The following BMPR1A variants were observed in gnomAD, a reference collection of about 807,000 sequenced individuals.
BMPR1A encodes bone morphogenetic protein receptor type 1A.
BMPR1A carries 7 observed loss-of-function variants against 66.0 expected under a neutral mutation model. The observed-to-expected ratio is 0.11, with a 90% CI of 0.06 to 0.20. BMPR1A has a LOEUF of 0.20. Among genes scored for constraint, BMPR1A ranks in the 10% least tolerant of loss-of-function variants. BMPR1A has a pLI of 1.00. For missense variants in BMPR1A, 408 were observed against 669.1 expected, an observed-to-expected ratio of 0.61 and a Z score of 4.31; for synonymous variants, 200 against 229.7, an observed-to-expected ratio of 0.87 and a Z score of 1.17.
chr10:86,903,385 T>C (rs1843338611), intron 7 of BMPR1A, among the ~76,000 whole-genome samples: 3 of 152,000 alleles, frequency 2.0e-5, no homozygotes, highest in East Asian at 1.9e-4. Context: ...ATCTATAATA[T>C]CTCAGATGAA....
chr10:86,795,874 A>G (rs1413992608), intron 1 of BMPR1A, among the ~76,000 whole-genome samples: 1 of 152,218 alleles, frequency 6.6e-6, no homozygotes, highest in African/African-American at 2.4e-5. Flanking sequence ...GCAGTTAAAC[A>G]TCAATTTATC....
At chr10:86,821,562 GA>G (rs1842120543) in intron 1 of BMPR1A, among the ~76,000 whole-genome samples, 1 of 152,096 alleles carries the variant, frequency 6.6e-6, no homozygotes, top group South Asian at 2.1e-4. Context: ...GCTCTCTAGA[GA>G]GGCTGCATTT....
chr10:86,896,060 A>G (rs567954087), intron 5 of BMPR1A, among the ~76,000 whole-genome samples: 128 of 152,174 alleles, frequency 8.4e-4, no homozygotes, highest in African/African-American at 2.9e-3. Flanking sequence ...AGGCTGAGGC[A>G]GGAGAATCGT....
At chr10:86,757,383 G>C (rs1191757006) in intron 1 of BMPR1A, among the ~76,000 whole-genome samples, 2 of 152,194 alleles carry the variant, frequency 1.3e-5, no homozygotes, top group Non-Finnish European at 2.9e-5. Flanking sequence ...CCGCGGGAAG[G>C]GGCCCTGGCC....
In BMPR1A at chr10:86,923,368, C is replaced by A. The variant is rs188914676; in HGVS notation, c.1343-8C>A. 5.0e-6 allele frequency: 8 copies of A among 1,613,912 alleles called. No individual in the cohort carries two copies. Among genetic ancestry groups the A allele is most frequent in the Non-Finnish European group, 6.8e-6 (8 of 1,180,004 alleles). ...TTTTTGTGCCCATGTTTTCTCATTC[C>A]CTTATAGGGATCGTGGAAGAATACC... On this transcript the variant is annotated splice_region_variant and splice_polypyrimidine_tract_variant and intron_variant, in intron 11 of 12. Coordinates refer to ENST00000372037, the MANE Select transcript of BMPR1A (RefSeq NM_004329.3).
intron 3 of BMPR1A, among the ~76,000 whole-genome samples, chr10:86,885,999 A>G (rs1843062448): frequency 6.6e-6 from 1 of 152,100 alleles, no homozygotes; most frequent in South Asian, 2.1e-4. Flanking sequence ...GTCTCTTTGT[A>G]TGTATATGTT....
chr10:86,784,692 T>A (rs905371039), intron 1 of BMPR1A, among the ~76,000 whole-genome samples: 7 of 152,176 alleles, frequency 4.6e-5, no homozygotes, highest in Non-Finnish European at 8.8e-5. Flanking sequence ...TTACTAGTTA[T>A]AGGTTTGTTA....
chr10:86,763,257 A>G (rs148306289), intron 1 of BMPR1A, among the ~76,000 whole-genome samples: 12 of 152,274 alleles, frequency 7.9e-5, no homozygotes, highest in African/African-American at 2.9e-4. Context: ...CAATACATCT[A>G]TTGTGGGTAA....
chr10:86,773,996 G>A (rs530771100), intron 1 of BMPR1A, among the ~76,000 whole-genome samples: 5 of 151,834 alleles, frequency 3.3e-5, no homozygotes, highest in East Asian at 1.9e-4. Context: ...AATTACAGGC[G>A]TCTGCCACTA....
Position 86,810,987 on chromosome 10 carries a change from TC to T in BMPR1A, c.-267-27876del, listed in dbSNP as rs1481877613. ...GTCTTAAACTCCTGATCTCAGGTGA[TC>T]CACCCACCTTGCCGGTGAACCACCA... On this transcript the variant is annotated intron_variant, in intron 1 of 12. Transcript: ENST00000372037. Among the ~76,000 whole-genome samples the T allele has an allele frequency of 3.3e-5, 5 of 152,328 alleles. No individual in the cohort carries two copies. In the East Asian group the frequency reaches 7.7e-4, roughly 23 times the overall value.
chr10:86,838,233 A>G (rs1842378905), intron 1 of BMPR1A, among the ~76,000 whole-genome samples: 1 of 152,108 alleles, frequency 6.6e-6, no homozygotes, highest in African/African-American at 2.4e-5. Context: ...TGTCTCAAAA[A>G]TAATAATAAT....
chr10:86,888,420 A>G (rs1486889840), intron 3 of BMPR1A, among the ~76,000 whole-genome samples: 2 of 152,132 alleles, frequency 1.3e-5, no homozygotes, highest in African/African-American at 4.8e-5. Context: ...GTGAGTCGAG[A>G]TTGCACCAGT....
intron 1 of BMPR1A, among the ~76,000 whole-genome samples, chr10:86,777,368 C>T (rs1841367762): frequency 6.6e-6 from 1 of 151,550 alleles, no homozygotes; most frequent in South Asian, 2.1e-4. Context: ...TTACTTGAAC[C>T]CAGGAGTTTG....
intron 2 of BMPR1A, among the ~76,000 whole-genome samples, chr10:86,843,051 A>G (rs1842445514): frequency 6.6e-6 from 1 of 152,214 alleles, no homozygotes; most frequent in South Asian, 2.1e-4. Flanking sequence ...AACTAGAGAG[A>G]CAAGTTAGGC....
At chr10:86,771,993 G>A (rs749596425) in intron 1 of BMPR1A, among the ~76,000 whole-genome samples, 1 of 151,172 alleles carries the variant, frequency 6.6e-6, no homozygotes, top group Non-Finnish European at 1.5e-5. Flanking sequence ...AATATTAAAA[G>A]GTCAGTGGCA....
intron 8 of BMPR1A, among the ~76,000 whole-genome samples, chr10:86,916,019 G>C (rs947877429): frequency 3.3e-5 from 5 of 152,178 alleles, no homozygotes; most frequent in Non-Finnish European, 5.9e-5. Context: ...ATAAAGTTAT[G>C]ATTGTGTTAA....
intron 1 of BMPR1A, among the ~76,000 whole-genome samples, chr10:86,822,121 C>A (rs1405914794): frequency 2.0e-5 from 3 of 152,242 alleles, no homozygotes; most frequent in African/African-American, 7.2e-5. Flanking sequence ...AGCCAGCATG[C>A]CTGGCCTCAC....
At chr10:86,763,104 C>T (rs373738141) in intron 1 of BMPR1A, among the ~76,000 whole-genome samples, 2 of 152,008 alleles carry the variant, frequency 1.3e-5, no homozygotes, top group Non-Finnish European at 2.9e-5. Flanking sequence ...CTGTGTTGGT[C>T]AGGCTGATCT....
intron 1 of BMPR1A, among the ~76,000 whole-genome samples, chr10:86,806,563 T>A (rs1012342728): frequency 6.6e-6 from 1 of 152,120 alleles, no homozygotes; most frequent in Non-Finnish European, 1.5e-5. Context: ...TCCTTATGGA[T>A]TTTTTTCATC....
Sources: gnomAD v4.1 joint callset for allele counts (sites outside exome capture counted in the v4.1 genomes callset) on GRCh38, gnomAD v4.1.1 for gene constraint, MANE v1.5 for transcripts, NCBI Gene and HGNC (gene_info 2026-07-23, HGNC 2026-07-21) for gene names.